NT5M: variants seen among roughly 807,000 people sequenced by gnomAD.
NT5M encodes the protein 5',3'-nucleotidase, mitochondrial, also known as 5'(3')-deoxyribonucleotidase, mitochondrial.
In NT5M, 22 loss-of-function variants were observed where a neutral mutation model predicts 22.2. The observed-to-expected ratio is 0.99, with a 90% CI of 0.71 to 1.41. NT5M has a LOEUF of 1.41. Among genes scored for constraint, NT5M ranks in the 40% most tolerant of loss-of-function variants. NT5M has a pLI of 0.00. For synonymous variants in NT5M, 167 were observed against 133.0 expected, an observed-to-expected ratio of 1.26 and a Z score of -1.76; for missense variants, 322 against 314.8, an observed-to-expected ratio of 1.02 and a Z score of -0.17.
At chr17:17,339,617 A>G (rs2049597122) in intron 3 of NT5M, among the ~76,000 whole-genome samples, 1 of 152,208 alleles carries the variant, frequency 6.6e-6, no homozygotes, top group Non-Finnish European at 1.5e-5. Context: ...TAGGTCTGTC[A>G]TATATGGCTT....
At chr17:17,341,754 G>T (rs186470651) in intron 3 of NT5M, among the ~76,000 whole-genome samples, 174 of 152,314 alleles carry the variant, frequency 1.1e-3, no homozygotes, top group Non-Finnish European at 1.9e-3. Flanking sequence ...ACCCTGGCTG[G>T]GTGCAGTGGG....
At chr17:17,318,988 A>C (rs1412239173) in intron 2 of NT5M, among the ~76,000 whole-genome samples, 4 of 151,720 alleles carry the variant, frequency 2.6e-5, no homozygotes, top group Admixed American at 1.3e-4. Flanking sequence ...AGGCACGTGG[A>C]TCACCAGAGG....
intron 3 of NT5M, among the ~76,000 whole-genome samples, chr17:17,344,173 A>G (rs899700046): frequency 2.6e-5 from 4 of 151,982 alleles, no homozygotes; most frequent in South Asian, 4.1e-4. Flanking sequence ...ACCCTGCCCC[A>G]TGTCCGTTAG....
intron 2 of NT5M, among the ~76,000 whole-genome samples, chr17:17,314,315 G>A (rs528253122): frequency 4.5e-4 from 69 of 152,260 alleles, no homozygotes; most frequent in African/African-American, 1.6e-3. Context: ...GATTACAGGC[G>A]TGAGCCATCG....
At position 17,306,657 on chromosome 17, in the gene NT5M, C is replaced by T; in HGVS notation, c.368+14C>T. ...CAGCCTACAAAAGTAAGTTTGTCCT[C>T]CCAGCCACTCAGTAAGTTTGTCTGA... is the stretch of plus-strand genomic sequence containing the variant. On this transcript the variant is annotated intron_variant, in intron 2 of 4. Transcript: ENST00000389022. 1.3e-6 allele frequency: 2 copies of T among 1,576,798 alleles called. No homozygotes were observed. Among genetic ancestry groups the T allele is most frequent in the Non-Finnish European group, 1.7e-6 (2 of 1,145,986 alleles).
chr17:17,306,457 C>T, intron 1 of NT5M, 86 bp from the exon 2 acceptor site: 1 of 865,784 alleles, frequency 1.2e-6, no homozygotes, highest in Admixed American at 1.8e-5. Context: ...AGAACCACTC[C>T]CCCTATAGCC....
chr17:17,346,825 T>C lies in NT5M; in HGVS notation c.565T>C (p.Trp189Arg). 1 of 1,607,384 alleles carries C rather than the reference T, an allele frequency of 6.2e-7. No homozygotes were observed. Among genetic ancestry groups the C allele is most frequent in the South Asian group, 1.1e-5 (1 of 91,046 alleles). Residue 189 changes from tryptophan to arginine, a missense_variant, in exon 5 of 5, where the codon TGG (tryptophan) becomes CGG (arginine). Physicochemically the swap from Trp to Arg is moderately radical, Grantham distance 101 (BLOSUM62 -3). Transcript: ENST00000389022. ...CACAGGGGCCGAGCCAACCCCCAGC[T>C]GGGAGCATGTCCTCTTCACCGCCTG... is the stretch of plus-strand genomic sequence containing the variant. ...DITGAEPTPSWEHVLFTACHN... is the reference protein window; with the variant it reads ...DITGAEPTPSREHVLFTACHN...
intron 3 of NT5M, among the ~76,000 whole-genome samples, chr17:17,339,296 A>G (rs1023972517): frequency 2.3e-4 from 35 of 151,280 alleles, no homozygotes; most frequent in African/African-American, 8.5e-4. Flanking sequence ...TGTTTTTTTC[A>G]GGATTGTTCC....
chr17:17,323,974 C>T (rs143791927), intron 3 of NT5M, among the ~76,000 whole-genome samples: 28 of 152,252 alleles, frequency 1.8e-4, no homozygotes, highest in African/African-American at 6.5e-4. Context: ...TGGGTTCAAG[C>T]AATTCTCCTG....
At chr17:17,311,503 A>C (rs578046737) in intron 2 of NT5M, among the ~76,000 whole-genome samples, 2 of 152,140 alleles carry the variant, frequency 1.3e-5, no homozygotes, top group African/African-American at 4.8e-5. Flanking sequence ...CTTTTTTCCC[A>C]CTGTATTGTA....
At chr17:17,307,738 C>G (rs902198229) in intron 2 of NT5M, among the ~76,000 whole-genome samples, 1 of 152,158 alleles carries the variant, frequency 6.6e-6, no homozygotes, top group African/African-American at 2.4e-5. Context: ...CACATGTAGT[C>G]CCAGTTACTT....
intron 2 of NT5M, among the ~76,000 whole-genome samples, chr17:17,319,059 A>T (rs901363101): frequency 6.6e-6 from 1 of 151,696 alleles, no homozygotes; most frequent in South Asian, 2.1e-4. Flanking sequence ...AAAAATACAA[A>T]AATTAGCTGA....
intron 3 of NT5M, among the ~76,000 whole-genome samples, chr17:17,330,266 C>T (rs1310074580): frequency 6.7e-6 from 1 of 148,882 alleles, no homozygotes; most frequent in Non-Finnish European, 1.5e-5. Flanking sequence ...TGCCACTGCA[C>T]TCCAGCCTGA....
intron 3 of NT5M, among the ~76,000 whole-genome samples, chr17:17,335,188 A>G (rs2049480958): frequency 6.6e-6 from 1 of 152,024 alleles, no homozygotes; most frequent in Non-Finnish European, 1.5e-5. Flanking sequence ...TCAAGTGTAC[A>G]GTTCAGCTTA....
chr17:17,335,924 G>A (rs970807507), intron 3 of NT5M, among the ~76,000 whole-genome samples: 2 of 151,044 alleles, frequency 1.3e-5, no homozygotes, highest in African/African-American at 4.9e-5. Context: ...GAGCCACCAC[G>A]CCTGGCCATG....
chr17:17,345,058 GC>G, intron 4 of NT5M, 150 bp downstream of exon 4: 1 of 1,252,050 alleles, frequency 8.0e-7, no homozygotes. Context: ...GGAAGACAAG[GC>G]CCCCTCTGTA....
chr17:17,334,977 T>G (rs1248960798), intron 3 of NT5M, among the ~76,000 whole-genome samples: 2 of 152,180 alleles, frequency 1.3e-5, no homozygotes, highest in African/African-American at 4.8e-5. Context: ...GGTCTTCTGA[T>G]CCACAAGCAC....
intron 2 of NT5M, among the ~76,000 whole-genome samples, chr17:17,321,592 C>A (rs1023639870): frequency 1.4e-4 from 22 of 151,976 alleles, no homozygotes; most frequent in African/African-American, 4.6e-4. Flanking sequence ...AGCTGCCAGG[C>A]AGCTGCAGGC....
At chr17:17,312,985 T>C (rs2048951428) in intron 2 of NT5M, among the ~76,000 whole-genome samples, 1 of 151,398 alleles carries the variant, frequency 6.6e-6, no homozygotes, top group South Asian at 2.1e-4. Context: ...AAAAAAGATA[T>C]TCTAGGCCGG....
Sources: allele counts gnomAD v4.1 joint callset (sites outside exome capture counted in the v4.1 genomes callset), GRCh38; gene constraint gnomAD v4.1.1; transcripts MANE v1.5; gene names NCBI Gene and HGNC (gene_info 2026-07-23, HGNC 2026-07-21).